GRK1: variants seen among roughly 807,000 people sequenced by gnomAD.
GRK1 encodes the protein G protein-coupled receptor kinase 1.
Under a neutral mutation model 41.7 loss-of-function variants are expected in GRK1, and 28 were observed. The observed-to-expected ratio is 0.67, with a 90% CI of 0.50 to 0.92. The LOEUF (loss-of-function observed/expected upper bound fraction) is 0.92, where lower values mean the gene tolerates loss of function less well. Among genes scored for constraint, GRK1 ranks in the 40% least tolerant of loss-of-function variants. The probability of loss-of-function intolerance (pLI) is 0.00; values close to 1 mark genes in which losing one functional copy is unlikely to be tolerated. For missense variants in GRK1, 703 were observed against 671.2 expected (o/e 1.05, Z -0.52); for synonymous variants, 327 against 286.7 (o/e 1.14, Z -1.42).
At chr13:113,658,126 T>C in the GRK1 span, 1 of 1,612,802 alleles carries the variant, frequency 6.2e-7, no homozygotes, top group Non-Finnish European at 8.5e-7. Flanking sequence ...CACGTCTTCT[T>C]CTCCTGCAGA....
At chr13:113,658,288 CCG>C in the GRK1 span, 2 of 722,324 alleles carry the variant, frequency 2.8e-6, no homozygotes, top group Non-Finnish European at 4.2e-6. Context: ...GAGGCCAGGG[CCG>C]TTTATCAGCG....
chr13:113,733,735 G>C (rs1167279742), intron 6 of GRK1, among the ~76,000 whole-genome samples: 1 of 121,018 alleles, frequency 8.3e-6, no homozygotes, highest in Non-Finnish European at 2.0e-5. Flanking sequence ...GCGCGCGTGT[G>C]TATGTGTGCA....
rs553969577 is a variant in GRK1 at position 113,735,278 on chromosome 13, C to T, written c.1607C>T (p.Ser536Leu). The T allele has an allele frequency of 2.5e-4, 378 of 1,535,426 alleles. 10 individuals carry two copies. The South Asian group carries it at 2.6e-3, about 11-fold the overall frequency. Residue 536 changes from serine to leucine, a missense_variant, in exon 7 of 7, where the codon TCG becomes TTG. Transcript: ENST00000335678. ...GIFGELNVWRSDGQMPDDMKG... is the reference protein window; with the variant it reads ...GIFGELNVWRLDGQMPDDMKG... Reference sequence around the variant, plus strand: ...TTTGGCGAGCTGAACGTGTGGCGCTCGGACGGTCAGATGCCGGACGACATG... The same window carrying T: ...TTTGGCGAGCTGAACGTGTGGCGCTTGGACGGTCAGATGCCGGACGACATG...
At chr13:113,653,149 G>A in the GRK1 span, 9 of 1,515,426 alleles carry the variant, frequency 5.9e-6, no homozygotes, top group Non-Finnish European at 8.1e-6. Context: ...GGCCTTGCAA[G>A]CCCTGAGTGC....
In GRK1 at chr13:113,733,532, TGTGTGCATGCGTGTGCGCGC is replaced by T. The variant is rs1170931796; in HGVS notation, c.1396+448_1396+467del. On this transcript the variant is annotated intron_variant, in intron 6 of 6. Transcript: ENST00000335678. ...GCACGTGTGTGTGCATGTGTGCGCG[TGTGTGCATGCGTGTGCGCGC>T]ACGTGTGTCCATGTATGTGTATGTG... Among the ~76,000 whole-genome samples, 19 of 141,242 alleles carry T rather than the reference TGTGTGCATGCGTGTGCGCGC, an allele frequency of 1.3e-4. No homozygotes were observed. The East Asian group carries it at 3.7e-3, about 27-fold the overall frequency. The allele number at this position is 141,242 out of a possible 152,430, so 92.7% of individuals were successfully genotyped here.
the GRK1 span, chr13:113,649,196 C>T: frequency 5.1e-6 from 3 of 587,842 alleles, no homozygotes; most frequent in Non-Finnish European, 8.4e-6. This position sits in a 1 kb window ranked among gnomAD's most constrained non-coding sequence, Gnocchi z 4.7. Context: ...AGAACTGATA[C>T]TCGCGAGCAG....
At chr13:113,663,296 G>A (rs1368357309), upstream of GRK1, among the ~76,000 whole-genome samples, 2 of 152,194 alleles carry the variant, frequency 1.3e-5, no homozygotes, top group African/African-American at 4.8e-5. Flanking sequence ...TTGGCCAAAG[G>A]GGGAGGAAAA....
Position 113,735,711 on chromosome 13 carries a change from G to A in GRK1, c.*348G>A. 5.0e-6 allele frequency: 1 copy of A among 199,680 alleles called. No homozygotes were observed. Among genetic ancestry groups the A allele is most frequent in the Non-Finnish European group, 1.0e-5 (1 of 99,580 alleles). The allele number at this position is 199,680 out of a possible 1,614,324, so 12.4% of individuals were successfully genotyped here. A position where few individuals can be genotyped will look rare whatever the true frequency, so the allele number is the denominator to read the frequency against. On this transcript the variant is annotated 3_prime_UTR_variant, in exon 7 of 7. Coordinates refer to ENST00000335678, the MANE Select transcript of GRK1 (RefSeq NM_002929.3). ...TTGACCAACCGTGTGGTCAGGGGCA[G>A]AGACTCGGTTTTGGCCTCCCAAGAC... is the stretch of plus-strand genomic sequence containing the variant.
Position 113,735,408 on chromosome 13 carries a change from C to A in GRK1, c.*45C>A. On this transcript the variant is annotated 3_prime_UTR_variant, in exon 7 of 7. Coordinates refer to ENST00000335678, the MANE Select transcript of GRK1 (RefSeq NM_002929.3). ...GTGGAGGAAAAGGACCCATACGGCT[C>A]GATGGGGGCCGCCTGCCTCCGTGGT... 1 of 1,430,264 alleles carries A rather than the reference C, an allele frequency of 7.0e-7. No homozygotes were observed. Among genetic ancestry groups the A allele is most frequent in the Non-Finnish European group, 9.1e-7 (1 of 1,093,244 alleles). The allele number at this position is 1,430,264 out of a possible 1,614,324, so 88.6% of individuals were successfully genotyped here.
At chr13:113,733,659 GTGCGTGTGTGCA>G (rs1170411836) in intron 6 of GRK1, among the ~76,000 whole-genome samples, 49 of 100,086 alleles carry the variant, frequency 4.9e-4, no homozygotes, top group Admixed American at 1.7e-3. Context: ...ATACGTGTGT[GTGCGTGTGTGCA>G]CGTGTGTGCA....
intron 6 of GRK1, 114 bp from the exon 7 acceptor site, chr13:113,734,954 A>G: frequency 1.9e-6 from 2 of 1,047,856 alleles, no homozygotes; most frequent in South Asian, 1.9e-5. Context: ...CCTAAGGAAG[A>G]GCGGCCCCAG....
intron 5 of GRK1, among the ~76,000 whole-genome samples, chr13:113,732,106 T>C (rs2140732122): frequency 6.6e-6 from 1 of 152,202 alleles, no homozygotes; most frequent in South Asian, 2.1e-4. Flanking sequence ...GACTCAGAGC[T>C]CAGGGCTGGG....
chr13:113,723,460 G>T lies in GRK1; in HGVS notation c.1069+303G>T, dbSNP rs189984756. 8.5e-5 allele frequency among the ~76,000 whole-genome samples: 13 copies of T among 152,238 alleles called. No homozygotes were observed. In the East Asian group the frequency reaches 2.5e-3, roughly 29 times the overall value. ...GCACAGTTTGGTTTTACACATTTTA[G>T]GGAGCCATGAGACATCAATCAGCAT... On this transcript the variant is annotated intron_variant, in intron 4 of 6. Coordinates refer to ENST00000335678, the MANE Select transcript of GRK1 (RefSeq NM_002929.3).
At chr13:113,657,129 C>T in the GRK1 span, among the ~76,000 whole-genome samples, 1,740 of 152,270 alleles carry the variant, frequency 0.011, 31 homozygotes, top group African/African-American at 0.04. Context: ...CAGCGTGTCA[C>T]GGGCATTCCC....
chr13:113,652,640 A>G, the GRK1 span: 1 of 621,138 alleles, frequency 1.6e-6, no homozygotes, highest in Non-Finnish European at 2.9e-6. Flanking sequence ...ATGTTTCCAC[A>G]TGTTTTAGAG....
At chr13:113,734,745 C>G in intron 6 of GRK1, 1 of 228,356 alleles carries the variant, frequency 4.4e-6, no homozygotes, top group Non-Finnish European at 8.5e-6. Flanking sequence ...GGGAGGAGAC[C>G]GCTTCATGAC....
the GRK1 span, chr13:113,653,174 A>T: frequency 2.1e-6 from 3 of 1,453,372 alleles, no homozygotes; most frequent in Non-Finnish European, 2.8e-6. Context: ...TTCTCATGAA[A>T]TAGAAAAGGC....
At chr13:113,656,816 G>A in the GRK1 span, among the ~76,000 whole-genome samples, 84 of 152,250 alleles carry the variant, frequency 5.5e-4, no homozygotes, top group Middle Eastern at 6.8e-3. Context: ...GCAGCCAGGA[G>A]GCGGCACATG....
Position 113,735,415 on chromosome 13 carries a change from G to T in GRK1, c.*52G>T. Reference sequence around the variant, plus strand: ...AAAAGGACCCATACGGCTCGATGGGGGCCGCCTGCCTCCGTGGTGCCAGCC... The same window carrying T: ...AAAAGGACCCATACGGCTCGATGGGTGCCGCCTGCCTCCGTGGTGCCAGCC... On this transcript the variant is annotated 3_prime_UTR_variant, in exon 7 of 7. Coordinates refer to ENST00000335678, the MANE Select transcript of GRK1 (RefSeq NM_002929.3). 1 of 1,425,320 alleles carries T rather than the reference G, an allele frequency of 7.0e-7. No individual in the cohort carries two copies. The highest frequency in any genetic ancestry group is 1.4e-5 in the African/African-American group (1 of 69,460). 88.3% of individuals were successfully genotyped at this position (1,425,320 alleles called of 1,614,324 possible). A position where few individuals can be genotyped will look rare whatever the true frequency, so the allele number is the denominator to read the frequency against.
Sources: allele counts gnomAD v4.1 joint callset (sites outside exome capture counted in the v4.1 genomes callset), GRCh38; gene constraint gnomAD v4.1.1; non-coding constraint Gnocchi (gnomAD v3.1); transcripts MANE v1.5; gene names NCBI Gene and HGNC (gene_info 2026-07-23, HGNC 2026-07-21).